EPHB1: variants seen among roughly 807,000 people sequenced by gnomAD.
The protein encoded by EPHB1 is EPH receptor B1.
EPHB1 carries 30 observed loss-of-function variants against 94.4 expected under a neutral mutation model. The observed-to-expected ratio is 0.32, with a 90% CI of 0.24 to 0.43. EPHB1 has a LOEUF of 0.43. EPHB1 is among the 20% of genes least tolerant of loss of function. The pLI is 1.00. For missense variants in EPHB1, 1,055 were observed against 1,308.3 expected (o/e 0.81, Z 2.99); for synonymous variants, 522 against 489.1 (o/e 1.07, Z -0.89).
chr3:134,804,223 C>T (rs1331831357), intron 1 of EPHB1, among the ~76,000 whole-genome samples: 2 of 151,684 alleles, frequency 1.3e-5, no homozygotes, highest in African/African-American at 4.9e-5. Context: ...GCCTCAGAAT[C>T]ATGGTGGGAG....
intron 1 of EPHB1, among the ~76,000 whole-genome samples, chr3:134,816,706 C>G (rs2036280041): frequency 6.6e-6 from 1 of 151,832 alleles, no homozygotes. Flanking sequence ...CTTGTCTGGC[C>G]CATCTATTGC....
At chr3:135,113,551 T>A (rs202099091) in intron 4 of EPHB1, among the ~76,000 whole-genome samples, 1 of 152,260 alleles carries the variant, frequency 6.6e-6, no homozygotes, top group East Asian at 1.9e-4. Context: ...GCCACTTTTA[T>A]TGTTCTGAGC....
intron 15 of EPHB1, among the ~76,000 whole-genome samples, chr3:135,257,534 G>C (rs981708229): frequency 6.6e-6 from 1 of 152,086 alleles, no homozygotes; most frequent in Non-Finnish European, 1.5e-5. Context: ...TGCTGGGGGG[G>C]TCAGGGGTCA....
chr3:135,250,848 C>T (rs1228182690), intron 15 of EPHB1, among the ~76,000 whole-genome samples: 1 of 152,102 alleles, frequency 6.6e-6, no homozygotes, highest in Non-Finnish European at 1.5e-5. Context: ...AGTCTGCGAA[C>T]ACGTATTGAT....
chr3:135,246,628 G>A (rs944104310), intron 13 of EPHB1, among the ~76,000 whole-genome samples: 3 of 152,152 alleles, frequency 2.0e-5, no homozygotes, highest in African/African-American at 7.2e-5. Flanking sequence ...CACTGCTCAT[G>A]CCTCCATTTT....
At chr3:135,208,292 TGTGTGTGTGTGTGTGTGTG>T (rs1942952933) in intron 12 of EPHB1, among the ~76,000 whole-genome samples, 3 of 109,118 alleles carry the variant, frequency 2.7e-5, no homozygotes, top group Non-Finnish European at 6.0e-5. Flanking sequence ...TTTCATGACG[TGTGTGTGTGTGTGTGTGTG>T]TGTGTGTGTG....
In EPHB1 at chr3:135,096,858, G is replaced by A. The variant is rs574583106; in HGVS notation, c.806-9590G>A. 3.9e-5 allele frequency among the ~76,000 whole-genome samples: 6 copies of A among 152,198 alleles called. No homozygotes were observed. In the East Asian group the frequency reaches 1.2e-3, roughly 29 times the overall value. ...CATGCCTGTAGTGCCAGCACTTTGG[G>A]AGGCCAAGGGGGGCGGATCACGAGG... On this transcript the variant is annotated intron_variant, in intron 3 of 15. Transcript: ENST00000398015.
intron 12 of EPHB1, among the ~76,000 whole-genome samples, chr3:135,237,041 C>T (rs1033597886): frequency 2.0e-5 from 3 of 152,126 alleles, no homozygotes; most frequent in East Asian, 3.9e-4. Flanking sequence ...GAGAGTAGGG[C>T]TGAGGCTCAT....
chr3:134,930,418 G>T (rs1323221898), intron 2 of EPHB1, among the ~76,000 whole-genome samples: 1 of 152,206 alleles, frequency 6.6e-6, no homozygotes, highest in Non-Finnish European at 1.5e-5. Context: ...GAGGAAAAAG[G>T]TAACAAACAC....
chr3:135,081,169 A>G (rs1938150913), intron 3 of EPHB1, among the ~76,000 whole-genome samples: 1 of 152,220 alleles, frequency 6.6e-6, no homozygotes, highest in Non-Finnish European at 1.5e-5. Flanking sequence ...TATCATCACC[A>G]GAGCATGTGG....
intron 3 of EPHB1, among the ~76,000 whole-genome samples, chr3:135,070,452 A>G (rs1440086551): frequency 1.3e-5 from 2 of 152,150 alleles, no homozygotes; most frequent in Non-Finnish European, 2.9e-5. Flanking sequence ...AGACTTACGC[A>G]CCAGCATTAC....
At chr3:135,025,101 CCCT>C (rs1936106608) in intron 3 of EPHB1, among the ~76,000 whole-genome samples, 1 of 97,078 alleles carries the variant, frequency 1.0e-5, no homozygotes, top group Admixed American at 1.1e-4. Context: ...TTCCTTCCTT[CCCT>C]CCCTCCCTCC....
chr3:134,804,071 ATTTTTTTTTTTTTTTTT>A (rs572201781), intron 1 of EPHB1, among the ~76,000 whole-genome samples: 5,365 of 43,942 alleles, frequency 0.12, 194 homozygotes, highest in South Asian at 0.39. Context: ...ATTATTGGCT[ATTTTTTTTTTTTTTTTT>A]TTTTTTTTTT....
chr3:135,181,448 G>A (rs1009339030), intron 10 of EPHB1, among the ~76,000 whole-genome samples: 1 of 152,194 alleles, frequency 6.6e-6, no homozygotes, highest in Admixed American at 6.5e-5. Context: ...TTGGAAGGCT[G>A]GGTACCAGAT....
intron 11 of EPHB1, among the ~76,000 whole-genome samples, chr3:135,197,813 G>C (rs1427633185): frequency 6.6e-6 from 1 of 151,608 alleles, no homozygotes; most frequent in Non-Finnish European, 1.5e-5. Context: ...CAAGAAATAA[G>C]TTAGTTTTTT....
intron 1 of EPHB1, among the ~76,000 whole-genome samples, chr3:134,837,620 G>A (rs2036696574): frequency 6.6e-6 from 1 of 152,214 alleles, no homozygotes; most frequent in Non-Finnish European, 1.5e-5. Context: ...GTAGGGAGAA[G>A]AAAGGCATAC....
chr3:134,987,609 A>G (rs961820636), intron 3 of EPHB1, among the ~76,000 whole-genome samples: 7 of 152,112 alleles, frequency 4.6e-5, no homozygotes, highest in African/African-American at 1.4e-4. Context: ...AATGCAAAAA[A>G]TAATAATAAT....
chr3:134,874,667 G>T (rs2037579903), intron 1 of EPHB1, among the ~76,000 whole-genome samples: 1 of 152,202 alleles, frequency 6.6e-6, no homozygotes, highest in Non-Finnish European at 1.5e-5. Flanking sequence ...TGGATGACCG[G>T]CAAGACTCCT....
intron 1 of EPHB1, among the ~76,000 whole-genome samples, chr3:134,880,826 C>T (rs1039567012): frequency 4.6e-5 from 7 of 152,246 alleles, no homozygotes; most frequent in Non-Finnish European, 8.8e-5. Context: ...TGTCTTCACA[C>T]GCAGATTAGG....
Sources: allele counts gnomAD v4.1 joint callset (sites outside exome capture counted in the v4.1 genomes callset), GRCh38; gene constraint gnomAD v4.1.1; transcripts MANE v1.5; gene names NCBI Gene and HGNC (gene_info 2026-07-23, HGNC 2026-07-21).